The following MEF2C variants were observed in gnomAD, a reference collection of about 807,000 sequenced individuals.
The protein encoded by MEF2C is myocyte enhancer factor 2C.
In MEF2C, 6 loss-of-function variants were observed where a neutral mutation model predicts 50.5. The ratio of observed to expected loss-of-function variants is 0.12; its 90% CI spans 0.07 to 0.23. The LOEUF (loss-of-function observed/expected upper bound fraction) is 0.23, where lower values mean the gene tolerates loss of function less well. Among genes scored for constraint, MEF2C ranks in the 10% least tolerant of loss-of-function variants. The pLI, the probability that MEF2C is intolerant of heterozygous loss-of-function variation, is 1.00. For missense variants in MEF2C, 276 were observed against 605.0 expected, an observed-to-expected ratio of 0.46 and a Z score of 5.70; for synonymous variants, 183 against 228.0, an observed-to-expected ratio of 0.80 and a Z score of 1.78.
chr5:88,829,591 T>G (rs1812245629), intron 1 of MEF2C, among the ~76,000 whole-genome samples: 1 of 152,050 alleles, frequency 6.6e-6, no homozygotes, highest in African/African-American at 2.4e-5. Context: ...CTACTTTTAC[T>G]GACTACTACT....
chr5:88,862,281 T>C (rs1825761338), intron 1 of MEF2C, among the ~76,000 whole-genome samples: 1 of 152,244 alleles, frequency 6.6e-6, no homozygotes, highest in Non-Finnish European at 1.5e-5. Flanking sequence ...TCCTGTCATG[T>C]CTTGCCTTTT....
chr5:88,805,331 C>A (rs757680480), intron 2 of MEF2C, among the ~76,000 whole-genome samples: 4 of 152,160 alleles, frequency 2.6e-5, no homozygotes, highest in Non-Finnish European at 5.9e-5. Context: ...CCCAACAGGG[C>A]ACTGGGAAGT....
intron 1 of MEF2C, among the ~76,000 whole-genome samples, chr5:88,892,729 G>A (rs1262146532): frequency 6.6e-6 from 1 of 152,162 alleles, no homozygotes; most frequent in Non-Finnish European, 1.5e-5. Flanking sequence ...AAAAGGCACT[G>A]AAAACTCAGA....
intron 1 of MEF2C, among the ~76,000 whole-genome samples, chr5:88,828,851 G>C (rs904529180): frequency 2.5e-4 from 38 of 151,934 alleles, no homozygotes; most frequent in African/African-American, 6.8e-4. Flanking sequence ...GCTCGACTGC[G>C]TGATGTCTTG....
rs377138912 is a variant in MEF2C at position 88,854,487 on chromosome 5, C to A, written c.-143+28468G>T. On this transcript the variant is annotated intron_variant, in intron 1 of 10. Transcript: ENST00000504921. ...CCATAAAAGAGACACTCAAAAAGTT[C>A]TCTGAAAGTCAGATGTGGGAAAGAT... is the stretch of plus-strand genomic sequence containing the variant. Among the ~76,000 whole-genome samples the A allele has an allele frequency of 3.3e-4, 50 of 152,260 alleles. No homozygotes were observed. The South Asian group carries it at 9.7e-3, about 30-fold the overall frequency.
intron 3 of MEF2C, among the ~76,000 whole-genome samples, chr5:88,763,407 CTCTTT>C (rs1487895888): frequency 6.6e-6 from 1 of 152,148 alleles, no homozygotes; most frequent in African/African-American, 2.4e-5. Flanking sequence ...GTGCTTCATA[CTCTTT>C]TCTTATTATC....
intron 3 of MEF2C, chr5:88,781,030 T>A: frequency 1.4e-6 from 1 of 701,272 alleles, no homozygotes; most frequent in Non-Finnish European, 1.8e-6. Flanking sequence ...TTTTTTCTTT[T>A]AACTCTATTT....
chr5:88,761,388 G>T, intron 3 of MEF2C, 60 bp from the exon 4 acceptor site: 1 of 1,545,980 alleles, frequency 6.5e-7, no homozygotes. Context: ...ACATTCAGGG[G>T]CATTAAAGAA....
At chr5:88,774,622 G>C (rs1783971432) in intron 3 of MEF2C, among the ~76,000 whole-genome samples, 1 of 152,148 alleles carries the variant, frequency 6.6e-6, no homozygotes, top group South Asian at 2.1e-4. Context: ...TCACATTATA[G>C]ATTACTTGTA....
chr5:88,731,207 T>C (rs960939246), intron 7 of MEF2C, among the ~76,000 whole-genome samples: 1 of 152,170 alleles, frequency 6.6e-6, no homozygotes. Context: ...GAAAGATGAA[T>C]TGAGGCAGTG....
At chr5:88,752,846 C>T (rs1580113176) in intron 4 of MEF2C, 2 of 761,432 alleles carry the variant, frequency 2.6e-6, no homozygotes, top group East Asian at 1.3e-4. Context: ...TTCTGCTGTA[C>T]TAACTAGATG....
Position 88,869,817 on chromosome 5 carries a change from A to T in MEF2C, c.-143+13138T>A, listed in dbSNP as rs376789496. Among the ~76,000 whole-genome samples the T allele has an allele frequency of 3.1e-4, 46 of 149,154 alleles. No individual in the cohort carries two copies. In the South Asian group the frequency reaches 9.6e-3, roughly 31 times the overall value. ...TATCTAGTATGCTTTTAAAACATGCATGCTTACAAAAATAAAATGTCACAT... is the reference window on the plus strand; with the variant it reads ...TATCTAGTATGCTTTTAAAACATGCTTGCTTACAAAAATAAAATGTCACAT... On this transcript the variant is annotated intron_variant, in intron 1 of 10. Transcript: ENST00000504921.
At chr5:88,869,218 A>AT (rs756788076) in intron 1 of MEF2C, among the ~76,000 whole-genome samples, 67 of 132,912 alleles carry the variant, frequency 5.0e-4, no homozygotes, top group Non-Finnish European at 1.0e-3. Context: ...GTATTTTGTA[A>AT]TTTTTTCCTA....
intron 1 of MEF2C, among the ~76,000 whole-genome samples, chr5:88,832,406 G>A (rs1380674284): frequency 6.6e-6 from 1 of 151,818 alleles, no homozygotes; most frequent in Non-Finnish European, 1.5e-5. Flanking sequence ...CAGTACCAAA[G>A]TAAGACTTCT....
chr5:88,730,133 C>A, intron 8 of MEF2C, 78 bp downstream of exon 8: 1 of 1,462,434 alleles, frequency 6.8e-7, no homozygotes, highest in Admixed American at 2.0e-5. Context: ...CAATATCTTC[C>A]AATTTTATCA....
intron 2 of MEF2C, among the ~76,000 whole-genome samples, chr5:88,822,192 T>G (rs1361521210): frequency 6.6e-6 from 1 of 152,012 alleles, no homozygotes; most frequent in African/African-American, 2.4e-5. Flanking sequence ...ATCATAAACC[T>G]AAAAATTATC....
At chr5:88,790,917 C>T (rs1411297969) in intron 3 of MEF2C, among the ~76,000 whole-genome samples, 1 of 152,118 alleles carries the variant, frequency 6.6e-6, no homozygotes, top group Non-Finnish European at 1.5e-5. Context: ...CCAAAACCAA[C>T]AGTGGGGTGA....
chr5:88,739,098 A>C, intron 6 of MEF2C: 1 of 985,390 alleles, frequency 1.0e-6, no homozygotes, highest in Non-Finnish European at 1.2e-6. Flanking sequence ...TTCTATCAGA[A>C]ACACCCAATG....
At chr5:88,782,008 T>G (rs764843159) in intron 3 of MEF2C, 16 of 468,634 alleles carry the variant, frequency 3.4e-5, no homozygotes, top group Non-Finnish European at 4.5e-5. Flanking sequence ...CTGCACATGT[T>G]CTGAGGAAGG....
Sources: allele counts gnomAD v4.1 joint callset (sites outside exome capture counted in the v4.1 genomes callset), GRCh38; gene constraint gnomAD v4.1.1; transcripts MANE v1.5; gene names NCBI Gene and HGNC (gene_info 2026-07-23, HGNC 2026-07-21).